The following DCP2 variants were observed in gnomAD, a reference collection of about 807,000 sequenced individuals.
DCP2 encodes decapping mRNA 2.
In DCP2, 30 loss-of-function variants were observed where a neutral mutation model predicts 56.1. The ratio of observed to expected loss-of-function variants is 0.53; its 90% CI spans 0.40 to 0.73. The LOEUF is 0.73. Ranked by LOEUF, DCP2 falls within the 30% of genes least tolerant of loss-of-function variation. The pLI, the probability that DCP2 is intolerant of heterozygous loss-of-function variation, is 0.00. For synonymous variants in DCP2, 197 were observed against 163.3 expected, an observed-to-expected ratio of 1.21 and a Z score of -1.57; for missense variants, 533 against 502.7, an observed-to-expected ratio of 1.06 and a Z score of -0.58.
intron 4 of DCP2, among the ~76,000 whole-genome samples, chr5:112,998,020 A>T (rs1179914999): frequency 6.6e-6 from 1 of 152,232 alleles, no homozygotes; most frequent in Non-Finnish European, 1.5e-5. Flanking sequence ...ATTATAATAC[A>T]GCAATAGATT....
At chr5:112,977,092 T>C in intron 1 of DCP2, 106 bp downstream of exon 1, 1 of 803,784 alleles carries the variant, frequency 1.2e-6, no homozygotes, top group African/African-American at 1.8e-5. Flanking sequence ...TGTCCTCGCT[T>C]TCCGCTCCCG....
chr5:112,980,599 C>G (rs369501020), intron 1 of DCP2, among the ~76,000 whole-genome samples: 2 of 152,162 alleles, frequency 1.3e-5, no homozygotes, highest in Non-Finnish European at 1.5e-5. Context: ...TAAAACAGAT[C>G]AAAAGCATTC....
In DCP2 at chr5:112,976,831, T is replaced by C. The variant is rs33556; in HGVS notation, c.-103T>C. 0.3 allele frequency: 369,571 copies of C among 1,231,192 alleles called. 56,881 individuals carry two copies. Among genetic ancestry groups the C allele is most frequent in the Middle Eastern group, 0.33 (1,729 of 5,284 alleles). 76.3% of individuals were successfully genotyped at this position (1,231,192 alleles called of 1,614,324 possible). A position where few individuals can be genotyped will look rare whatever the true frequency, so the allele number is the denominator to read the frequency against. ...CGTTGGAGTCGTCTCTGCCGCGGCT[T>C]CCTCGGCTGCCAGCTCTCCGGCGAG... On this transcript the variant is annotated 5_prime_UTR_variant, in exon 1 of 11. Coordinates refer to ENST00000389063, the MANE Select transcript of DCP2 (RefSeq NM_152624.6).
At chr5:112,993,624 C>CAA (rs769397326) in intron 4 of DCP2, among the ~76,000 whole-genome samples, 19 of 63,888 alleles carry the variant, frequency 3.0e-4, no homozygotes, top group South Asian at 2.7e-3. Context: ...AACACTATCT[C>CAA]AAAAAAAAAA....
chr5:113,001,032 C>CTAGA, intron 4 of DCP2, 52 bp from the exon 5 acceptor site: 1 of 1,513,346 alleles, frequency 6.6e-7, no homozygotes. Context: ...TTTTAATGAA[C>CTAGA]TAGAGGCCTA....
chr5:113,021,404 A>AC lies in DCP2; in HGVS notation c.*7925dup, dbSNP rs1299466611. Among the ~76,000 whole-genome samples, 1 of 143,996 alleles carries AC rather than the reference A, an allele frequency of 6.9e-6. No homozygotes were observed. Among genetic ancestry groups the AC allele is most frequent in the African/African-American group, 2.7e-5 (1 of 37,686 alleles). The allele number at this position is 143,996 out of a possible 152,430, so 94.5% of individuals were successfully genotyped here. A position where few individuals can be genotyped will look rare whatever the true frequency, so the allele number is the denominator to read the frequency against. ...AAACAACCAAAAAAAAAAAAAAAAA[A>AC]CCCCCAGGAAGAAATATTGTCGAGA... is the stretch of plus-strand genomic sequence containing the variant. On this transcript the variant is annotated 3_prime_UTR_variant, in exon 11 of 11. Transcript: ENST00000389063.
intron 7 of DCP2, 111 bp downstream of exon 7, chr5:113,001,785 C>G: frequency 4.3e-6 from 4 of 922,558 alleles, no homozygotes; most frequent in South Asian, 1.5e-5. Flanking sequence ...TTTATAGATA[C>G]TCTTTGTTAC....
chr5:112,976,942 CAA>C lies in DCP2; in HGVS notation c.11_12del (p.Lys4ThrfsTer36). MET[K>X]RVEIPGSVLD... ...TGCTGTGGGTCCTCATCATGGAGACCAAACGGGTGGAGATTCCCGGCAGCGTC... is the reference window on the plus strand; with the variant it reads ...TGCTGTGGGTCCTCATCATGGAGACCACGGGTGGAGATTCCCGGCAGCGTC... On this transcript the variant is annotated frameshift_variant, in exon 1 of 11. Coordinates refer to ENST00000389063, the MANE Select transcript of DCP2 (RefSeq NM_152624.6). LOFTEE classifies it high-confidence loss of function. 1 of 1,608,676 alleles carries C rather than the reference CAA, an allele frequency of 6.2e-7. No homozygotes were observed. The highest frequency in any genetic ancestry group is 1.1e-5 in the South Asian group (1 of 90,868).
intron 4 of DCP2, among the ~76,000 whole-genome samples, chr5:112,993,196 G>C (rs565021651): frequency 6.6e-6 from 1 of 152,196 alleles, no homozygotes; most frequent in African/African-American, 2.4e-5. Flanking sequence ...ACTGCCTATA[G>C]GATAAAGTTT....
chr5:113,004,804 GT>G (rs756700829), intron 8 of DCP2, among the ~76,000 whole-genome samples: 88 of 149,610 alleles, frequency 5.9e-4, no homozygotes, highest in Non-Finnish European at 1.0e-3. Flanking sequence ...AGGTTTCAAT[GT>G]TACTTTTTTT....
intron 4 of DCP2, among the ~76,000 whole-genome samples, chr5:112,996,828 T>C (rs1053404557): frequency 6.6e-6 from 1 of 152,224 alleles, no homozygotes; most frequent in African/African-American, 2.4e-5. Flanking sequence ...GATTTAGGAC[T>C]GTCAAAAGAC....
At chr5:112,988,494 T>TAAAAAA (rs368124032) in intron 2 of DCP2, among the ~76,000 whole-genome samples, 43 of 82,046 alleles carry the variant, frequency 5.2e-4, no homozygotes, top group African/African-American at 8.0e-4. Context: ...TGTGTCTTAA[T>TAAAAAA]AAAAAAAAAA....
rs981805960 is a variant in DCP2 at position 113,019,734 on chromosome 5, G to A, written c.*6250G>A. ...TTGCTTATTAGCTTAATACCTTATA[G>A]TACTTTTAAAAAATCATCCTTGGTA... On this transcript the variant is annotated 3_prime_UTR_variant, in exon 11 of 11. Transcript: ENST00000389063. The A allele has an allele frequency of 5.9e-5, 9 of 151,994 alleles. No homozygotes were observed. The highest frequency in any genetic ancestry group is 2.2e-4 in the African/African-American group (9 of 41,362). The allele number at this position is 151,994 out of a possible 1,614,324, so 9.4% of individuals were successfully genotyped here. A position where few individuals can be genotyped will look rare whatever the true frequency, so the allele number is the denominator to read the frequency against.
intron 1 of DCP2, chr5:112,984,709 T>TAC (rs1748184512): frequency 8.0e-6 from 1 of 124,974 alleles, no homozygotes; most frequent in East Asian, 2.2e-4. Flanking sequence ...AAAAAATATA[T>TAC]ATATATATAT....
chr5:112,989,853 G>C (rs1748500040), intron 2 of DCP2, among the ~76,000 whole-genome samples: 2 of 152,166 alleles, frequency 1.3e-5, no homozygotes, highest in South Asian at 4.1e-4. Flanking sequence ...TAATTTACTA[G>C]AGAGAGAAAA....
At chr5:112,990,455 C>G (rs1187417123) in intron 2 of DCP2, among the ~76,000 whole-genome samples, 1 of 152,116 alleles carries the variant, frequency 6.6e-6, no homozygotes, top group Non-Finnish European at 1.5e-5. Flanking sequence ...CATGTAAAGC[C>G]AGAATTTTAA....
intron 10 of DCP2, among the ~76,000 whole-genome samples, chr5:113,012,630 T>G (rs1228332538): frequency 6.6e-6 from 1 of 152,040 alleles, no homozygotes. Context: ...TGGATTTTTC[T>G]TTTTTTTCTT....
Position 113,018,325 on chromosome 5 carries a change from A to G in DCP2, c.*4841A>G, listed in dbSNP as rs905215629. On this transcript the variant is annotated 3_prime_UTR_variant, in exon 11 of 11. Transcript: ENST00000389063. ...AGAATTGTTCATAATGAAATCTTTA[A>G]TCTGGGTTATCAGAGTAATGAAATC... is the stretch of plus-strand genomic sequence containing the variant. 13 of 152,182 alleles carry G rather than the reference A, an allele frequency of 8.5e-5. No individual in the cohort carries two copies. Among genetic ancestry groups the G allele is most frequent in the Non-Finnish European group, 1.5e-5 (1 of 68,028 alleles). 9.4% of individuals were successfully genotyped at this position (152,182 alleles called of 1,614,324 possible). A position where few individuals can be genotyped will look rare whatever the true frequency, so the allele number is the denominator to read the frequency against.
intron 4 of DCP2, among the ~76,000 whole-genome samples, chr5:112,998,952 C>T (rs929300134): frequency 4.6e-5 from 7 of 152,176 alleles, no homozygotes; most frequent in African/African-American, 1.7e-4. Context: ...TCACTAATTG[C>T]CCATTATGAT....
Sources: gnomAD v4.1 joint callset for allele counts (sites outside exome capture counted in the v4.1 genomes callset) on GRCh38, gnomAD v4.1.1 for gene constraint, MANE v1.5 for transcripts, NCBI Gene and HGNC (gene_info 2026-07-23, HGNC 2026-07-21) for gene names.